Variants in TET2 observed in about 807,000 individuals in gnomAD.
The protein encoded by TET2 is methylcytosine dioxygenase TET2.
In TET2, 299 loss-of-function variants were observed where a neutral mutation model predicts 142.9. That is an observed-to-expected ratio of 2.09 (90% CI 1.90 to 2.30). The LOEUF is 2.30. Ranked by LOEUF, TET2 falls within the 30% of genes most tolerant of loss-of-function variation. TET2 has a pLI of 0.00. For missense variants in TET2, 2,418 were observed against 2,378.0 expected (o/e 1.02, Z -0.35); for synonymous variants, 819 against 849.0 (o/e 0.96, Z 0.61).
intron 2 of TET2, among the ~76,000 whole-genome samples, chr4:105,218,455 T>C (rs1244178984): frequency 6.6e-6 from 1 of 152,130 alleles, no homozygotes; most frequent in Non-Finnish European, 1.5e-5. Flanking sequence ...TGTTTACTTA[T>C]GTGTAAAATG....
At chr4:105,225,263 G>C (rs1047477735) in intron 2 of TET2, among the ~76,000 whole-genome samples, 29 of 151,648 alleles carry the variant, frequency 1.9e-4, no homozygotes, top group South Asian at 8.3e-4. Flanking sequence ...TAAGTTTATA[G>C]TGAAGCAGAT....
At chr4:105,185,597 G>A (rs905002111) in intron 1 of TET2, among the ~76,000 whole-genome samples, 11 of 151,888 alleles carry the variant, frequency 7.2e-5, no homozygotes, top group East Asian at 3.9e-4. Flanking sequence ...TGGCTAACAC[G>A]GTGAAATCCC....
intron 2 of TET2, among the ~76,000 whole-genome samples, chr4:105,194,017 GA>G (rs1298323504): frequency 6.6e-6 from 1 of 152,036 alleles, no homozygotes; most frequent in African/African-American, 2.4e-5. Flanking sequence ...TTTGTGGAAG[GA>G]AAAAGGATAC....
rs958957288 is a variant in TET2, at chr4:105,157,209, A to G, written c.-193+10230A>G. Among the ~76,000 whole-genome samples, 5 of 152,122 alleles carry G rather than the reference A, an allele frequency of 3.3e-5. No individual in the cohort carries two copies. The East Asian group carries it at 9.6e-4, about 29-fold the overall frequency. ...AAAATATTAATTCATTTACATTCCT[A>G]TTTTAATGTACCAAATGTAACTGAT... On this transcript the variant is annotated intron_variant, in intron 1 of 10. Coordinates refer to ENST00000380013, the MANE Select transcript of TET2 (RefSeq NM_001127208.3).
chr4:105,151,982 C>G (rs191798151), intron 1 of TET2, among the ~76,000 whole-genome samples: 117 of 151,202 alleles, frequency 7.7e-4, no homozygotes, highest in Middle Eastern at 3.4e-3. Flanking sequence ...GGCTGAGGCC[C>G]GAGAATCACT....
At chr4:105,180,449 A>G (rs1725048939) in intron 1 of TET2, among the ~76,000 whole-genome samples, 1 of 151,134 alleles carries the variant, frequency 6.6e-6, no homozygotes, top group East Asian at 1.9e-4. Context: ...ATTGTGTTCT[A>G]TAATTATTGA....
chr4:105,163,854 AGTGT>A (rs111673454), intron 1 of TET2, among the ~76,000 whole-genome samples: 17 of 85,226 alleles, frequency 2.0e-4, no homozygotes, highest in East Asian at 1.1e-3. Flanking sequence ...AGAGAGAGAG[AGTGT>A]GTGTGTGTGT....
At position 105,275,051 on chromosome 4, in the gene TET2, T is replaced by C. The variant is rs2110311121; in HGVS notation, c.4541T>C (p.Leu1514Pro). 6.6e-7 allele frequency: 1 copy of C among 1,524,950 alleles called. No individual in the cohort carries two copies. Among genetic ancestry groups the C allele is most frequent in the Non-Finnish European group, 8.8e-7 (1 of 1,135,776 alleles). The allele number at this position is 1,524,950 out of a possible 1,614,324, so 94.5% of individuals were successfully genotyped here. The change falls in exon 11 of 11, where the codon CTT becomes CCT. Residue 1514 changes from leucine to proline, a missense_variant. Physicochemically the swap from Leu to Pro is moderately conservative, Grantham distance 98. Coordinates refer to ENST00000380013, the MANE Select transcript of TET2 (RefSeq NM_001127208.3). ...TTCTCTCTTACCCTGTCCACAGAACTTTTGCGACTTTCAGGACCAGTCATG... is the reference window on the plus strand; with the variant it reads ...TTCTCTCTTACCCTGTCCACAGAACCTTTGCGACTTTCAGGACCAGTCATG... ...NASQAKQLAE[L>P]LRLSGPVMQQ...
At chr4:105,237,425 TTCCTTCTTTTTTTAAATCTTGAG>T in intron 3 of TET2, 74 bp downstream of exon 3, 1 of 1,613,794 alleles carries the variant, frequency 6.2e-7, no homozygotes, top group Non-Finnish European at 8.5e-7. Context: ...ATATGGGATT[TTCCTTCTTTTTTTAAATCTTGAG>T]TCTGGCAGCA....
rs199835686 is a variant in TET2 at position 105,213,870 on chromosome 4, G to GT, written c.-46-20020dup. On this transcript the variant is annotated intron_variant, in intron 2 of 10. Coordinates refer to ENST00000380013, the MANE Select transcript of TET2 (RefSeq NM_001127208.3). ...CTCAATAAGTAATGAGTTGAGCTACGTTTTTTTAAGGCAGAGTCTCCCTCT... is the reference window on the plus strand; with the variant it reads ...CTCAATAAGTAATGAGTTGAGCTACGTTTTTTTTAAGGCAGAGTCTCCCTCT... Among the ~76,000 whole-genome samples the GT allele has an allele frequency of 1.0e-3, 157 of 152,160 alleles. 2 individuals carry two copies. The East Asian group carries it at 0.028, about 27-fold the overall frequency.
chr4:105,236,673 G>A lies in TET2; in HGVS notation c.2731G>A (p.Ala911Thr), dbSNP rs1237278366. Residue 911 changes from alanine to threonine, a missense_variant, in exon 3 of 11, where the codon GCT becomes ACT. Transcript: ENST00000380013. ...NRNQDMSGQQ[A>T]AQLAQQRYLI... ...AAACCAAGATATGTCTGGTCAACAAGCTGCGCAACTTGCTCAGCAAAGGTA... is the reference window on the plus strand; with the variant it reads ...AAACCAAGATATGTCTGGTCAACAAACTGCGCAACTTGCTCAGCAAAGGTA... 6.2e-7 allele frequency: 1 copy of A among 1,614,086 alleles called. No homozygotes were observed. Among genetic ancestry groups the A allele is most frequent in the Admixed American group, 1.7e-5 (1 of 59,992 alleles).
At chr4:105,270,535 C>T (rs941395669) in intron 9 of TET2, among the ~76,000 whole-genome samples, 3 of 152,094 alleles carry the variant, frequency 2.0e-5, no homozygotes, top group Admixed American at 2.0e-4. Flanking sequence ...AAATGAGAAA[C>T]ACATCATCAT....
intron 1 of TET2, among the ~76,000 whole-genome samples, chr4:105,160,083 T>G (rs969705124): frequency 3.3e-5 from 5 of 152,194 alleles, no homozygotes; most frequent in African/African-American, 1.2e-4. Flanking sequence ...CTAAACGGTC[T>G]GACCAGAAAA....
At chr4:105,229,817 A>G (rs1190639462) in intron 2 of TET2, among the ~76,000 whole-genome samples, 1 of 151,954 alleles carries the variant, frequency 6.6e-6, no homozygotes, top group Non-Finnish European at 1.5e-5. Flanking sequence ...GCATTCTTAT[A>G]TAAACTGTTG....
At chr4:105,213,546 A>G (rs920583230) in intron 2 of TET2, among the ~76,000 whole-genome samples, 5 of 152,180 alleles carry the variant, frequency 3.3e-5, no homozygotes, top group African/African-American at 1.2e-4. Flanking sequence ...ACTTCCTGCT[A>G]TTTTAAGATA....
At position 105,237,659 on chromosome 4, in the gene TET2, T is replaced by A. The variant is rs1246593590; in HGVS notation, c.3409+308T>A. On this transcript the variant is annotated intron_variant, in intron 3 of 10. Transcript: ENST00000380013. ...ATCAATTCGCCTATTTAGCTCTTTG[T>A]ATATTATCTCCTGGAGAGACAGCTA... 2.9e-6 allele frequency: 4 copies of A among 1,402,922 alleles called. No individual in the cohort carries two copies. The African/African-American group carries it at 5.8e-5, about 20-fold the overall frequency. The allele number at this position is 1,402,922 out of a possible 1,614,324, so 86.9% of individuals were successfully genotyped here.
rs1728772156 is a variant in TET2 at position 105,235,170 on chromosome 4, C to G, written c.1228C>G (p.Pro410Ala). The change falls in exon 3 of 11, where the codon CCT (proline) becomes GCT (alanine). Residue 410 changes from proline (P) to alanine (A), a missense_variant. Transcript: ENST00000380013. ...PPSQLLLSPPPPLPQVPQLPS... is the reference protein window; with the variant it reads ...PPSQLLLSPPAPLPQVPQLPS... ...ATCACAATTGCTTCTTTCTCCCCCT[C>G]CTCCTCTTCCACAGGTTCCTCAGCT... 2 of 1,613,854 alleles carry G rather than the reference C, an allele frequency of 1.2e-6. No individual in the cohort carries two copies. Among genetic ancestry groups the G allele is most frequent in the Non-Finnish European group, 1.7e-6 (2 of 1,179,952 alleles).
chr4:105,237,283 CT>C lies in TET2; in HGVS notation c.3342del (p.Pro1115LeufsTer2). Reference sequence around the variant, plus strand: ...GAGTCACCTTCCAAATTACTAGATACTCCTATAAAAAATTTATTGGATACAC... The same window carrying C: ...GAGTCACCTTCCAAATTACTAGATACCCTATAAAAAATTTATTGGATACAC... ...FIESPSKLLD[T>X]PIKNLLDTPV... On this transcript the variant is annotated frameshift_variant, in exon 3 of 11. Coordinates refer to ENST00000380013, the MANE Select transcript of TET2 (RefSeq NM_001127208.3). LOFTEE classifies it high-confidence loss of function. 1 of 1,614,056 alleles carries C rather than the reference CT, an allele frequency of 6.2e-7. No individual in the cohort carries two copies. Among genetic ancestry groups the C allele is most frequent in the Non-Finnish European group, 8.5e-7 (1 of 1,179,934 alleles).
intron 9 of TET2, among the ~76,000 whole-genome samples, chr4:105,270,382 G>T (rs995131857): frequency 2.6e-5 from 4 of 152,164 alleles, no homozygotes; most frequent in Non-Finnish European, 5.9e-5. Flanking sequence ...ACTATGCATT[G>T]CCAGTTACAG....
Sources: gnomAD v4.1 joint callset for allele counts (sites outside exome capture counted in the v4.1 genomes callset) on GRCh38, gnomAD v4.1.1 for gene constraint, MANE v1.5 for transcripts, NCBI Gene and HGNC (gene_info 2026-07-23, HGNC 2026-07-21) for gene names.